Variants in EFR3B observed in about 807,000 individuals in gnomAD.
EFR3B encodes the protein protein EFR3 homolog B.
In EFR3B, 64 loss-of-function variants were observed where a neutral mutation model predicts 104.7. The observed-to-expected ratio is 0.61, with a 90% CI of 0.50 to 0.75. The LOEUF is 0.75. EFR3B is among the 30% of genes least tolerant of loss of function. The pLI, the probability that EFR3B is intolerant of heterozygous loss-of-function variation, is 0.00. For missense variants in EFR3B, 750 were observed against 1,078.5 expected (o/e 0.70, Z 4.27); for synonymous variants, 385 against 417.9 (o/e 0.92, Z 0.96).
At position 25,154,423 on chromosome 2, in the gene EFR3B, G is replaced by A; in HGVS notation, c.*83G>A. On this transcript the variant is annotated 3_prime_UTR_variant, in exon 23 of 23. Coordinates refer to ENST00000403714, the MANE Select transcript of EFR3B (RefSeq NM_014971.2). This position sits in a 1 kb window ranked among gnomAD's most constrained non-coding sequence, Gnocchi z 4.1. The stretch of plus-strand genomic sequence containing the variant: ...CCCACCCCGACCACATGGAGATCTG[G>A]CTGTGATCTCTGAGAAAACATCACC... 7.9e-7 allele frequency: 1 copy of A among 1,259,112 alleles called. No individual in the cohort carries two copies. 78.0% of individuals were successfully genotyped at this position (1,259,112 alleles called of 1,614,324 possible). A position where few individuals can be genotyped will look rare whatever the true frequency, so the allele number is the denominator to read the frequency against.
chr2:25,064,689 T>C (rs1668284409), intron 1 of EFR3B, among the ~76,000 whole-genome samples: 1 of 152,228 alleles, frequency 6.6e-6, no homozygotes, highest in Non-Finnish European at 1.5e-5. Context: ...GGTATTCAGA[T>C]GAATGAATTC....
In EFR3B at chr2:25,059,600, ATTG is replaced by A. The variant is rs796966403; in HGVS notation, c.7+17287_7+17289del. On this transcript the variant is annotated intron_variant, in intron 1 of 22. Transcript: ENST00000403714. ...GGGGGGGGGGGGTGGAGATTGGGGA[ATTG>A]TTGTTACTGGGTAGAGTTTCAGTTT... 1.0e-3 allele frequency among the ~76,000 whole-genome samples: 140 copies of A among 134,982 alleles called. 4 individuals are homozygous for A. Among genetic ancestry groups the A allele is most frequent in the African/African-American group, 3.5e-3 (127 of 36,138 alleles). 88.6% of individuals were successfully genotyped at this position (134,982 alleles called of 152,430 possible).
At chr2:25,099,478 C>T (rs1029080912) in intron 3 of EFR3B, among the ~76,000 whole-genome samples, 2 of 151,598 alleles carry the variant, frequency 1.3e-5, no homozygotes, top group Non-Finnish European at 2.9e-5. Context: ...TTTGATAATA[C>T]TTTTATTTAA....
intron 4 of EFR3B, among the ~76,000 whole-genome samples, chr2:25,118,172 G>A (rs1482028718): frequency 6.6e-6 from 1 of 152,032 alleles, no homozygotes; most frequent in Admixed American, 6.6e-5. Flanking sequence ...GTAGAGACGG[G>A]GTTTCACCCT....
Position 25,091,318 on chromosome 2 carries a change from A to T in EFR3B, c.8-7A>T. On this transcript the variant is annotated splice_polypyrimidine_tract_variant and splice_region_variant and intron_variant, in intron 1 of 22. Coordinates refer to ENST00000403714, the MANE Select transcript of EFR3B (RefSeq NM_014971.2). ...TTTGCTCACAGTTTTTCCCATTCTT[A>T]TTCCAGGTGTGTGTGGCTGCTGTGG... 2 of 1,549,170 alleles carry T rather than the reference A, an allele frequency of 1.3e-6. No homozygotes were observed. Among genetic ancestry groups the T allele is most frequent in the Non-Finnish European group, 1.7e-6 (2 of 1,145,992 alleles).
At chr2:25,127,410 G>A (rs563804616) in intron 5 of EFR3B, among the ~76,000 whole-genome samples, 5 of 152,128 alleles carry the variant, frequency 3.3e-5, no homozygotes, top group Middle Eastern at 3.4e-3. Context: ...ATTATGCACA[G>A]AAGAAAGGAA....
chr2:25,107,265 C>T (rs769849748), intron 4 of EFR3B, among the ~76,000 whole-genome samples: 12 of 152,180 alleles, frequency 7.9e-5, no homozygotes, highest in East Asian at 5.8e-4. Flanking sequence ...AGGCAACCCC[C>T]GGCCTTGTGG....
intron 1 of EFR3B, among the ~76,000 whole-genome samples, chr2:25,072,438 A>C (rs879416169): frequency 2.6e-5 from 4 of 152,074 alleles, no homozygotes; most frequent in Admixed American, 6.6e-5. Context: ...ATGCTACCAC[A>C]CTGGGCTAAT....
intron 1 of EFR3B, among the ~76,000 whole-genome samples, chr2:25,078,353 G>T (rs1668692909): frequency 6.6e-6 from 1 of 152,204 alleles, no homozygotes; most frequent in Non-Finnish European, 1.5e-5. Flanking sequence ...TGTTTAAAAA[G>T]AATTCCATTT....
At chr2:25,076,896 C>T (rs187118315) in intron 1 of EFR3B, among the ~76,000 whole-genome samples, 2 of 152,356 alleles carry the variant, frequency 1.3e-5, no homozygotes, top group African/African-American at 4.8e-5. Context: ...AGGCAAGTCT[C>T]ACCCACACTA....
At chr2:25,129,761 T>C (rs560603404) in intron 6 of EFR3B, among the ~76,000 whole-genome samples, 4 of 152,198 alleles carry the variant, frequency 2.6e-5, no homozygotes, top group Admixed American at 6.5e-5. Flanking sequence ...AAGAACTTTA[T>C]CTTTTCTTCT....
chr2:25,082,188 G>C (rs947272976), intron 1 of EFR3B, among the ~76,000 whole-genome samples: 1 of 152,214 alleles, frequency 6.6e-6, no homozygotes, highest in Non-Finnish European at 1.5e-5. Flanking sequence ...GCTGTGTGCT[G>C]GAATTGTGGT....
At chr2:25,094,179 G>A (rs2149186282) in intron 3 of EFR3B, among the ~76,000 whole-genome samples, 1 of 147,792 alleles carries the variant, frequency 6.8e-6, no homozygotes, top group South Asian at 2.1e-4. Flanking sequence ...CAGCTACTCA[G>A]AAAGCTGAGG....
intron 1 of EFR3B, among the ~76,000 whole-genome samples, chr2:25,065,605 C>T (rs1281851695): frequency 2.0e-5 from 3 of 152,152 alleles, no homozygotes; most frequent in African/African-American, 7.2e-5. Flanking sequence ...CCAGTGTCAC[C>T]TCCCCACTGA....
At chr2:25,150,585 C>CT (rs1459637821) in intron 20 of EFR3B, among the ~76,000 whole-genome samples, 1 of 150,852 alleles carries the variant, frequency 6.6e-6, no homozygotes, top group Non-Finnish European at 1.5e-5. Flanking sequence ...TAATGATAGT[C>CT]TCTCTGAATG....
chr2:25,131,575 G>C lies in EFR3B; in HGVS notation c.985+72G>C, dbSNP rs1670336148. 4 of 1,529,154 alleles carry C rather than the reference G, an allele frequency of 2.6e-6. No individual in the cohort carries two copies. Among genetic ancestry groups the C allele is most frequent in the East Asian group, 2.5e-5 (1 of 40,490 alleles). The allele number at this position is 1,529,154 out of a possible 1,614,324, so 94.7% of individuals were successfully genotyped here. A position where few individuals can be genotyped will look rare whatever the true frequency, so the allele number is the denominator to read the frequency against. ...TGCCGCCTCTTACAGAGAGAGGCAA[G>C]GGACAACAGGGAGGGGTCGGAGTCC... is the stretch of plus-strand genomic sequence containing the variant. On this transcript the variant is annotated intron_variant, in intron 9 of 22. Coordinates refer to ENST00000403714, the MANE Select transcript of EFR3B (RefSeq NM_014971.2). This position sits in a 1 kb window ranked among gnomAD's most constrained non-coding sequence, Gnocchi z 7.6.
At position 25,065,875 on chromosome 2, in the gene EFR3B, A is replaced by G. The variant is rs111390643; in HGVS notation, c.7+23556A>G. Among the ~76,000 whole-genome samples, 382 of 151,606 alleles carry G rather than the reference A, an allele frequency of 2.5e-3. 4 individuals carry two copies. The highest frequency in any genetic ancestry group is 8.7e-3 in the African/African-American group (360 of 41,304). On this transcript the variant is annotated intron_variant, in intron 1 of 22. Transcript: ENST00000403714. ...CAGGTGCTGGGAGGCTCTTCCTGAC[A>G]CCCTCTGCTGTCTCCTGCCTCTGAA...
chr2:25,105,859 A>G (rs1400733654), intron 4 of EFR3B, among the ~76,000 whole-genome samples: 4 of 152,224 alleles, frequency 2.6e-5, no homozygotes, highest in Non-Finnish European at 4.4e-5. Context: ...TGAAAAATTC[A>G]GTGTCCTGCA....
rs796718141 is a variant in EFR3B at position 25,101,308 on chromosome 2, T to C, written c.213-2329T>C. ...GCAGTCATGTCTTATAATCAACAGA[T>C]GCTGATGTTGTTCACATCACTTTCT... is the stretch of plus-strand genomic sequence containing the variant. On this transcript the variant is annotated intron_variant, in intron 3 of 22. Coordinates refer to ENST00000403714, the MANE Select transcript of EFR3B (RefSeq NM_014971.2). Among the ~76,000 whole-genome samples, 3 of 152,172 alleles carry C rather than the reference T, an allele frequency of 2.0e-5. No homozygotes were observed. In the South Asian group the frequency reaches 6.2e-4, roughly 32 times the overall value.
Sources: allele counts gnomAD v4.1 joint callset (sites outside exome capture counted in the v4.1 genomes callset), GRCh38; gene constraint gnomAD v4.1.1; non-coding constraint Gnocchi (gnomAD v3.1); transcripts MANE v1.5; gene names NCBI Gene and HGNC (gene_info 2026-07-23, HGNC 2026-07-21).